The following PRKAR1B variants were observed in gnomAD, a reference collection of about 807,000 sequenced individuals.
PRKAR1B encodes the protein protein kinase cAMP-dependent type I regulatory subunit beta.
PRKAR1B carries 22 observed loss-of-function variants against 46.5 expected under a neutral mutation model. That is an observed-to-expected ratio of 0.47 (90% CI 0.34 to 0.68). PRKAR1B has a LOEUF of 0.68. Among genes scored for constraint, PRKAR1B ranks in the 30% least tolerant of loss-of-function variants. The probability of loss-of-function intolerance (pLI) is 0.01; values close to 1 mark genes in which losing one functional copy is unlikely to be tolerated. For missense variants in PRKAR1B, 445 were observed against 535.6 expected (o/e 0.83, Z 1.67); for synonymous variants, 259 against 217.7 (o/e 1.19, Z -1.67).
chr7:628,041 G>T (rs1330536261), intron 4 of PRKAR1B, among the ~76,000 whole-genome samples: 1 of 152,050 alleles, frequency 6.6e-6, no homozygotes, highest in Non-Finnish European at 1.5e-5. Context: ...GCGGTGGGGG[G>T]AGTGGGACTG....
intron 4 of PRKAR1B, among the ~76,000 whole-genome samples, chr7:632,995 G>A (rs1248917131): frequency 1.3e-5 from 2 of 152,252 alleles, no homozygotes; most frequent in African/African-American, 4.8e-5. Flanking sequence ...CGGGCAGAGG[G>A]AAGCCAGGCG....
intron 9 of PRKAR1B, among the ~76,000 whole-genome samples, chr7:569,717 C>T (rs754091715): frequency 7.2e-5 from 11 of 152,296 alleles, no homozygotes; most frequent in Non-Finnish European, 1.2e-4. Flanking sequence ...CAGGGGCACT[C>T]GCAGCCCAGG....
At chr7:616,104 T>C (rs1331101512) in intron 4 of PRKAR1B, among the ~76,000 whole-genome samples, 1 of 152,086 alleles carries the variant, frequency 6.6e-6, no homozygotes, top group African/African-American at 2.4e-5. Context: ...GGCCCAGCCC[T>C]GCCCGCGGGT....
intron 9 of PRKAR1B, among the ~76,000 whole-genome samples, chr7:578,271 A>G (rs1779972283): frequency 6.6e-6 from 1 of 152,204 alleles, no homozygotes; most frequent in African/African-American, 2.4e-5. Flanking sequence ...TCCTCAGGAC[A>G]GCTGCTCGGC....
At chr7:607,370 C>T (rs561731404) in intron 5 of PRKAR1B, 21 bp downstream of exon 5, 52 of 1,609,204 alleles carry the variant, frequency 3.2e-5, no homozygotes, top group South Asian at 2.9e-4. Flanking sequence ...ACTTTGGCTC[C>T]GAGGAGCAGG....
intron 1 of PRKAR1B, 126 bp downstream of exon 1, chr7:727,084 G>T (rs1230489001): frequency 9.6e-7 from 1 of 1,047,032 alleles, no homozygotes; most frequent in Admixed American, 5.6e-5. Flanking sequence ...GCCCGCGCTC[G>T]CCGCGCGCTT....
At chr7:704,619 T>C (rs1409187699) in intron 2 of PRKAR1B, among the ~76,000 whole-genome samples, 2 of 151,722 alleles carry the variant, frequency 1.3e-5, no homozygotes, top group African/African-American at 4.8e-5. Flanking sequence ...CCACCAAAAA[T>C]ACAAAAATGA....
At chr7:651,305 A>C (rs549470047) in intron 4 of PRKAR1B, among the ~76,000 whole-genome samples, 82 of 152,348 alleles carry the variant, frequency 5.4e-4, no homozygotes, top group African/African-American at 1.9e-3. Context: ...CCATGGAGGA[A>C]GCATGATCCA....
intron 7 of PRKAR1B, among the ~76,000 whole-genome samples, chr7:592,989 T>C (rs1583265093): frequency 6.6e-6 from 1 of 152,148 alleles, no homozygotes; most frequent in Non-Finnish European, 1.5e-5. Flanking sequence ...TGAGCCGAGA[T>C]TGTGCCACTG....
intron 4 of PRKAR1B, among the ~76,000 whole-genome samples, chr7:676,548 C>G (rs1325657993): frequency 6.6e-6 from 1 of 152,336 alleles, no homozygotes; most frequent in African/African-American, 2.4e-5. Flanking sequence ...GTATAGCGCG[C>G]GGGGGAACCG....
intron 4 of PRKAR1B, among the ~76,000 whole-genome samples, chr7:663,595 G>C (rs1785736741): frequency 6.6e-6 from 1 of 152,160 alleles, no homozygotes; most frequent in African/African-American, 2.4e-5. Flanking sequence ...GTCAGGAGGG[G>C]AGGGGACGGC....
Position 578,943 on chromosome 7 carries a change from C to A in PRKAR1B, c.891+313G>T, listed in dbSNP as rs567369625. On this transcript the variant is annotated intron_variant, in intron 9 of 10. Coordinates refer to ENST00000537384, the MANE Select transcript of PRKAR1B (RefSeq NM_001164760.2). ...GTGATCCACCCGCCTCAGCCTCCCA[C>A]AGTGCTGGGATGACAGGCGTGAGCC... 3.9e-4 allele frequency: 393 copies of A among 1,015,376 alleles called. 1 individual carries two copies. In the African/African-American group the frequency reaches 6.4e-3, roughly 17 times the overall value. 62.9% of individuals were successfully genotyped at this position (1,015,376 alleles called of 1,614,324 possible).
In PRKAR1B at chr7:603,571, C is replaced by T. The variant is rs370344434; in HGVS notation, c.549+2622G>A. Among the ~76,000 whole-genome samples, 239 of 148,946 alleles carry T rather than the reference C, an allele frequency of 1.6e-3. 2 individuals carry two copies. Among genetic ancestry groups the T allele is most frequent in the African/African-American group, 5.8e-3 (229 of 39,574 alleles). ...ACTCAATAAACATCCAGGAAGGAGA[C>T]GGCAGGGGAGGAGGCGACATGATGA... is the stretch of plus-strand genomic sequence containing the variant. On this transcript the variant is annotated intron_variant, in intron 6 of 10. Coordinates refer to ENST00000537384, the MANE Select transcript of PRKAR1B (RefSeq NM_001164760.2).
intron 2 of PRKAR1B, among the ~76,000 whole-genome samples, chr7:706,188 T>C (rs1780313454): frequency 1.3e-5 from 2 of 152,046 alleles, no homozygotes; most frequent in African/African-American, 4.8e-5. Context: ...TAGCCAGGCA[T>C]GGTGGTGGGC....
intron 2 of PRKAR1B, among the ~76,000 whole-genome samples, chr7:686,702 T>C (rs181559855): frequency 6.0e-4 from 92 of 152,228 alleles, no homozygotes; most frequent in African/African-American, 2.2e-3. Flanking sequence ...AAACATATTT[T>C]TGAAAGCATC....
At chr7:713,550 GCTCAC>G (rs1399838015) in intron 1 of PRKAR1B, among the ~76,000 whole-genome samples, 1 of 151,510 alleles carries the variant, frequency 6.6e-6, no homozygotes, top group East Asian at 1.9e-4. Context: ...GCCCTCCCAT[GCTCAC>G]CTGGTCCACA....
chr7:725,664 A>G (rs1403282700), intron 1 of PRKAR1B, among the ~76,000 whole-genome samples: 2 of 152,210 alleles, frequency 1.3e-5, no homozygotes, highest in Non-Finnish European at 1.5e-5. Context: ...TGGGGACCAG[A>G]ATGCTTTTGT....
At chr7:670,930 G>A (rs970339350) in intron 4 of PRKAR1B, among the ~76,000 whole-genome samples, 1 of 152,218 alleles carries the variant, frequency 6.6e-6, no homozygotes. Context: ...CCCAGATACC[G>A]GAGATGATCG....
chr7:692,743 G>A (rs1025050848), intron 2 of PRKAR1B, among the ~76,000 whole-genome samples: 1 of 152,162 alleles, frequency 6.6e-6, no homozygotes, highest in Non-Finnish European at 1.5e-5. Flanking sequence ...AGGTTGGGGA[G>A]GCAGGAACAC....
Sources: allele counts gnomAD v4.1 joint callset (sites outside exome capture counted in the v4.1 genomes callset), GRCh38; gene constraint gnomAD v4.1.1; transcripts MANE v1.5; gene names NCBI Gene and HGNC (gene_info 2026-07-23, HGNC 2026-07-21).